The following PUDP variants were observed in gnomAD, a reference collection of about 807,000 sequenced individuals.
PUDP encodes pseudouridine-5'-phosphatase.
In PUDP, 8 loss-of-function variants were observed where a neutral mutation model predicts 9.4. The observed-to-expected ratio is 0.85, with a 90% CI of 0.50 to 1.53. PUDP has a LOEUF of 1.53. Ranked by LOEUF, PUDP falls within the 40% of genes most tolerant of loss-of-function variation. The pLI, the probability that PUDP is intolerant of heterozygous loss-of-function variation, is 0.00. For synonymous variants in PUDP, 99 were observed against 80.7 expected, an observed-to-expected ratio of 1.23 and a Z score of -1.22; for missense variants, 188 against 189.7, an observed-to-expected ratio of 0.99 and a Z score of 0.05.
chrX:6,940,591 G>A (rs780101613), intron 3 of PUDP, among the ~76,000 whole-genome samples: 4 of 111,976 alleles, frequency 3.6e-5, no homozygotes, highest in Non-Finnish European at 7.5e-5. Flanking sequence ...TAGAACTCCA[G>A]ACTTTGGCCC....
intron 1 of PUDP, among the ~76,000 whole-genome samples, chrX:7,142,928 G>C (rs779779143): frequency 1.3e-4 from 14 of 111,211 alleles, no homozygotes; most frequent in Middle Eastern, 4.7e-3. Context: ...TGGGATTATA[G>C]GCATGAGCCA....
At chrX:6,739,904 T>C (rs1381751706) in intron 3 of PUDP, among the ~76,000 whole-genome samples, 1 of 112,155 alleles carries the variant, frequency 8.9e-6, no homozygotes, top group East Asian at 2.8e-4. Flanking sequence ...GAATAGGCAG[T>C]GCCCAACTGA....
intron 3 of PUDP, among the ~76,000 whole-genome samples, chrX:6,736,741 T>C (rs5989561): frequency 0.057 from 6,275 of 110,917 alleles, 183 homozygotes; most frequent in African/African-American, 0.1. Context: ...CTAAGTGAAG[T>C]AACACAGGAA....
chrX:7,042,400 T>C (rs926752047), intron 1 of PUDP, among the ~76,000 whole-genome samples: 1 of 111,827 alleles, frequency 8.9e-6, no homozygotes, highest in African/African-American at 3.3e-5. Flanking sequence ...CTGAGATCTA[T>C]CTACTCTCCA....
At chrX:7,104,148 C>A (rs183917260) in intron 2 of PUDP, among the ~76,000 whole-genome samples, 4 of 111,745 alleles carry the variant, frequency 3.6e-5, no homozygotes, top group African/African-American at 1.3e-4. Flanking sequence ...GGATGCCACC[C>A]AAATGTCCCT....
At position 6,848,845 on chromosome X, in the gene PUDP, G is replaced by A. The variant is rs1311709165; in HGVS notation, c.*247+128288C>T. Among the ~76,000 whole-genome samples, 6 of 112,291 alleles carry A rather than the reference G, an allele frequency of 5.3e-5. No individual in the cohort carries two copies. The South Asian group carries it at 2.2e-3, about 41-fold the overall frequency. ...GGCCTCATCAGAAGCAGATGCTGGAGCCATGCTTGTAGAGCCTACAGAACC... is the reference window on the plus strand; with the variant it reads ...GGCCTCATCAGAAGCAGATGCTGGAACCATGCTTGTAGAGCCTACAGAACC... On this transcript the variant is annotated intron_variant and NMD_transcript_variant, in intron 3 of 3. Transcript: ENST00000655425.
intron 3 of PUDP, among the ~76,000 whole-genome samples, chrX:6,789,302 T>C (rs1925699612): frequency 9.9e-6 from 1 of 101,014 alleles, no homozygotes; most frequent in Non-Finnish European, 2.0e-5. Flanking sequence ...AATAAATAAA[T>C]AAATAAATAA....
At chrX:7,136,416 C>A (rs1169292238) in intron 1 of PUDP, among the ~76,000 whole-genome samples, 1 of 111,937 alleles carries the variant, frequency 8.9e-6, no homozygotes, top group Non-Finnish European at 1.9e-5. Flanking sequence ...ACTGCGGGCA[C>A]CTTCGTCTCC....
At chrX:6,951,107 C>A (rs1327791192) in intron 3 of PUDP, among the ~76,000 whole-genome samples, 2 of 111,625 alleles carry the variant, frequency 1.8e-5, no homozygotes, top group Admixed American at 1.9e-4. Flanking sequence ...TCAGCCTCCA[C>A]AACTGCATGA....
At chrX:6,759,560 T>C (rs1197723098) in intron 3 of PUDP, among the ~76,000 whole-genome samples, 2 of 111,268 alleles carry the variant, frequency 1.8e-5, no homozygotes, top group African/African-American at 3.3e-5. Context: ...CAGTAGCACC[T>C]CTCCCCAAGT....
intron 3 of PUDP, among the ~76,000 whole-genome samples, chrX:6,954,387 C>T (rs1210768041): frequency 9.0e-6 from 1 of 110,881 alleles, no homozygotes; most frequent in Non-Finnish European, 1.9e-5. Context: ...TAGAAACCCC[C>T]AGGAGAGCTC....
At chrX:6,868,296 C>T (rs1927120483) in intron 3 of PUDP, among the ~76,000 whole-genome samples, 1 of 112,087 alleles carries the variant, frequency 8.9e-6, no homozygotes, top group African/African-American at 3.2e-5. Context: ...CAAGAAAGAC[C>T]TCTCAGACAC....
chrX:6,807,713 G>T (rs1926074556), intron 3 of PUDP, among the ~76,000 whole-genome samples: 4 of 112,025 alleles, frequency 3.6e-5, no homozygotes, highest in African/African-American at 1.3e-4. Context: ...AAGCCCAGCT[G>T]CCGGCCCAAA....
intron 1 of PUDP, among the ~76,000 whole-genome samples, chrX:7,128,704 G>A (rs1203811430): frequency 2.7e-5 from 3 of 111,827 alleles, no homozygotes; most frequent in Admixed American, 9.5e-5. Flanking sequence ...GTGAATATGG[G>A]AGTGAATAAC....
chrX:6,795,963 A>G (rs1031887028), intron 3 of PUDP, among the ~76,000 whole-genome samples: 7 of 112,276 alleles, frequency 6.2e-5, no homozygotes, highest in Middle Eastern at 4.6e-3. Flanking sequence ...GTAGCTATGC[A>G]CATCAGCAGA....
intron 3 of PUDP, among the ~76,000 whole-genome samples, chrX:7,075,095 T>C (rs1472888192): frequency 8.9e-6 from 1 of 112,460 alleles, no homozygotes; most frequent in Non-Finnish European, 1.9e-5. Context: ...ATGGAGCTCC[T>C]AAAACACTTG....
intron 3 of PUDP, among the ~76,000 whole-genome samples, chrX:6,904,771 T>C (rs1927743252): frequency 1.8e-5 from 2 of 112,016 alleles, no homozygotes; most frequent in South Asian, 7.5e-4. Context: ...TTGGCCAAAC[T>C]CTCCAGGACA....
intron 3 of PUDP, among the ~76,000 whole-genome samples, chrX:6,931,576 T>C (rs867181945): frequency 8.9e-6 from 1 of 112,242 alleles, no homozygotes; most frequent in Non-Finnish European, 1.9e-5. Context: ...AATAAAATAA[T>C]TGCATTTGCT....
chrX:6,810,283 A>C (rs1926121612), intron 3 of PUDP, among the ~76,000 whole-genome samples: 2 of 111,627 alleles, frequency 1.8e-5, no homozygotes, highest in Non-Finnish European at 3.8e-5. Flanking sequence ...TGCCAAGACA[A>C]ATTGCAGACT....
Sources: gnomAD v4.1 joint callset for allele counts (sites outside exome capture counted in the v4.1 genomes callset) on GRCh38, gnomAD v4.1.1 for gene constraint, MANE v1.5 for transcripts, NCBI Gene and HGNC (gene_info 2026-07-23, HGNC 2026-07-21) for gene names.